MGAT4B: variants seen among roughly 807,000 people sequenced by gnomAD.
The protein encoded by MGAT4B is alpha-1,3-mannosyl-glycoprotein 4-beta-N-acetylglucosaminyltransferase B.
A neutral mutation model predicts 73.9 loss-of-function variants in MGAT4B; 38 were observed. That is an observed-to-expected ratio of 0.51 (90% CI 0.40 to 0.67). The LOEUF is 0.67. MGAT4B is among the 30% of genes least tolerant of loss of function. The pLI, the probability that MGAT4B is intolerant of heterozygous loss-of-function variation, is 0.00. For missense variants in MGAT4B, 686 were observed against 735.2 expected (o/e 0.93, Z 0.77); for synonymous variants, 373 against 313.5 (o/e 1.19, Z -2.01).
intron 6 of MGAT4B, 76 bp from the exon 7 acceptor site, chr5:179,800,335 G>A (rs1756858849): frequency 1.0e-5 from 16 of 1,551,912 alleles, no homozygotes; most frequent in East Asian, 2.2e-5. Flanking sequence ...GCCGCTGGGT[G>A]GGCAGCTTCT....
Position 179,798,290 on chromosome 5 carries a change from A to C in MGAT4B, c.1511-13T>G. On this transcript the variant is annotated splice_polypyrimidine_tract_variant and intron_variant, in intron 13 of 14. Transcript: ENST00000292591. The stretch of plus-strand genomic sequence containing the variant: ...TTGTAGAAGGAGCCTGTGGGAGGGC[A>C]GTGGTGAGAGGGTGTCCCTGAACCC... 1 of 1,612,692 alleles carries C rather than the reference A, an allele frequency of 6.2e-7. No homozygotes were observed.
Position 179,799,543 on chromosome 5 carries a change from A to G in MGAT4B, c.1004T>C (p.Ile335Thr). The stretch of plus-strand genomic sequence containing the variant: ...GGGGTTGCAGACTTTCACCCACAGA[A>G]TATGGTCCAGGAGCCAGTCGATGGG... Reference protein sequence around the residue: ...DKPIDWLLDHILWVKVCNPEK... With the variant: ...DKPIDWLLDHTLWVKVCNPEK... The change falls in exon 9 of 15, where the codon ATT (isoleucine) becomes ACT (threonine). Residue 335 changes from isoleucine to threonine, a missense_variant. Physicochemically the swap from Ile to Thr is moderately conservative, Grantham distance 89 (BLOSUM62 -1). Around this residue, in one of 2 missense-constraint regions of MGAT4B, gnomAD observed 449 missense variants for 536.8 expected, o/e 0.84. Coordinates refer to ENST00000292591, the MANE Select transcript of MGAT4B (RefSeq NM_014275.5). The G allele has an allele frequency of 6.2e-7, 1 of 1,613,870 alleles. No homozygotes were observed. The highest frequency in any genetic ancestry group is 8.5e-7 in the Non-Finnish European group (1 of 1,180,008).
Position 179,801,716 on chromosome 5 carries a change from G to A in MGAT4B, c.284-22C>T, listed in dbSNP as rs760950171. 15 of 1,601,746 alleles carry A rather than the reference G, an allele frequency of 9.4e-6. No homozygotes were observed. The highest frequency in any genetic ancestry group is 2.7e-5 in the African/African-American group (2 of 74,838). ...TCCTCTGGGTGGGTCGGGAAGGATC[G>A]GGACTGAGACCAGGGAACCTACAAC... On this transcript the variant is annotated intron_variant, in intron 2 of 14. Coordinates refer to ENST00000292591, the MANE Select transcript of MGAT4B (RefSeq NM_014275.5). This position sits in a 1 kb window ranked among gnomAD's most constrained non-coding sequence, Gnocchi z 4.8.
intron 8 of MGAT4B, 68 bp downstream of exon 8, chr5:179,799,886 G>C: frequency 6.9e-7 from 1 of 1,446,792 alleles, no homozygotes; most frequent in East Asian, 2.3e-5. Context: ...GACACAGTGG[G>C]ACTGGGAGAG....
At chr5:179,800,743 C>A in intron 5 of MGAT4B, 146 bp from the exon 6 acceptor site, 1 of 1,000,146 alleles carries the variant, frequency 1.0e-6, no homozygotes, top group Non-Finnish European at 1.5e-6. Flanking sequence ...AGCAGAGCTC[C>A]AGAGGGGCTG....
Position 179,806,821 on chromosome 5 carries a change from G to A in MGAT4B, c.-238C>T, listed in dbSNP as rs994449737. ...GAAGAGGAACAGGCTCAGAAGGGCA[G>A]AGGCAGGTATCAGGCTCACTGCAGA... On this transcript the variant is annotated 5_prime_UTR_variant, in exon 1 of 15. Coordinates refer to ENST00000292591, the MANE Select transcript of MGAT4B (RefSeq NM_014275.5). This position sits in a 1 kb window ranked among gnomAD's most constrained non-coding sequence, Gnocchi z 4.6. 6.7e-6 allele frequency: 1 copy of A among 150,158 alleles called. No homozygotes were observed. Among genetic ancestry groups the A allele is most frequent in the Non-Finnish European group, 1.5e-5 (1 of 67,486 alleles). 9.3% of individuals were successfully genotyped at this position (150,158 alleles called of 1,614,324 possible). A position where few individuals can be genotyped will look rare whatever the true frequency, so the allele number is the denominator to read the frequency against.
At chr5:179,798,849 G>T in intron 11 of MGAT4B, 79 bp downstream of exon 11, 1 of 1,521,760 alleles carries the variant, frequency 6.6e-7, no homozygotes, top group Non-Finnish European at 9.0e-7. Flanking sequence ...AGAACGTGAG[G>T]ATAACTTGCC....
At chr5:179,802,116 G>T in intron 1 of MGAT4B, 147 bp from the exon 2 acceptor site, 1 of 1,542,628 alleles carries the variant, frequency 6.5e-7, no homozygotes. Flanking sequence ...TGACATAGCT[G>T]GGGTCACTCT....
Position 179,800,242 on chromosome 5 carries a change from TTC to T in MGAT4B, c.735_736del (p.Asn246ProfsTer23), listed in dbSNP as rs777187269. ...CATCATGAGGAAGCAGTAATCGAGG[TTC>T]TGTTTGGTCCTCCACCTGTGGGCCG... On this transcript the variant is annotated frameshift_variant, in exon 7 of 15. Coordinates refer to ENST00000292591, the MANE Select transcript of MGAT4B (RefSeq NM_014275.5). LOFTEE classifies it high-confidence loss of function. The T allele has an allele frequency of 6.2e-7, 1 of 1,613,308 alleles. No homozygotes were observed. Among genetic ancestry groups the T allele is most frequent in the South Asian group, 1.1e-5 (1 of 91,084 alleles).
chr5:179,802,820 G>A, intron 1 of MGAT4B: 1 of 985,542 alleles, frequency 1.0e-6, no homozygotes, highest in African/African-American at 1.7e-5. Context: ...GTGGCTCGGT[G>A]CCCACAGTCC....
At position 179,801,908 on chromosome 5, in the gene MGAT4B, A is replaced by G; in HGVS notation, c.159T>C (p.Ala53=). 1 of 1,613,256 alleles carries G rather than the reference A, an allele frequency of 6.2e-7. No individual in the cohort carries two copies. The highest frequency in any genetic ancestry group is 8.5e-7 in the Non-Finnish European group (1 of 1,179,900). Residue 53 remains alanine, a synonymous_variant, in exon 2 of 15, where the codon GCT becomes GCC. Transcript: ENST00000292591. This position sits in a 1 kb window ranked among gnomAD's most constrained non-coding sequence, Gnocchi z 4.8. ...FLALRDRLHA[A]EQESLKRSKE... ...TGGAGCGCTTGAGGCTCTCCTGCTC[A>G]GCTGCGTGCAACCGATCGCGCAGCG...
intron 1 of MGAT4B, 58 bp from the exon 2 acceptor site, chr5:179,802,027 C>G: frequency 2.5e-6 from 4 of 1,612,366 alleles, no homozygotes; most frequent in Non-Finnish European, 3.4e-6. Flanking sequence ...CTACGGGCCC[C>G]TCCAGTGTGC....
At chr5:179,805,120 C>T (rs559503654) in intron 1 of MGAT4B, 2 of 152,386 alleles carry the variant, frequency 1.3e-5, no homozygotes, top group East Asian at 3.9e-4. Context: ...GAGCCTGGCT[C>T]CCTGTGGTAA....
At chr5:179,799,793 T>G (rs1398082885) in intron 8 of MGAT4B, 157 bp from the exon 9 acceptor site, 1 of 1,269,890 alleles carries the variant, frequency 7.9e-7, no homozygotes, top group Non-Finnish European at 1.1e-6. Context: ...CAGACATGTC[T>G]GATGCACAGG....
intron 1 of MGAT4B, chr5:179,802,397 C>G: frequency 8.2e-7 from 1 of 1,216,820 alleles, no homozygotes; most frequent in East Asian, 3.9e-5. Flanking sequence ...GGTGCTAGCT[C>G]TTCACTGTCC....
chr5:179,800,885 C>G (rs1332178268), intron 5 of MGAT4B, 22 bp downstream of exon 5: 1 of 1,612,784 alleles, frequency 6.2e-7, no homozygotes, highest in South Asian at 1.1e-5. Flanking sequence ...GCCACCAGCT[C>G]TCTGGGGTCG....
Position 179,800,014 on chromosome 5 carries a change from C to T in MGAT4B, c.850G>A (p.Ala284Thr). Residue 284 changes from alanine to threonine, a missense_variant, in exon 8 of 15, where the codon GCA (alanine) becomes ACA (threonine). By Grantham distance (58) the Ala-to-Thr change is moderately conservative. Transcript: ENST00000292591. ...CAGTCCTCTGAAGGCTGCTGCAGTG[C>T]AAAGTTCTTCATGGTGCTCAGGTAG... ...PNYLSTMKNF[A>T]LQQPSEDWMI... 1 of 1,614,012 alleles carries T rather than the reference C, an allele frequency of 6.2e-7. No individual in the cohort carries two copies. The highest frequency in any genetic ancestry group is 2.2e-5 in the East Asian group (1 of 44,882).
At chr5:179,799,832 G>A in intron 8 of MGAT4B, 122 bp downstream of exon 8, 1 of 1,226,380 alleles carries the variant, frequency 8.2e-7, no homozygotes, top group South Asian at 1.3e-5. Flanking sequence ...TGGGGCTGTA[G>A]CACGCACACC....
intron 8 of MGAT4B, 91 bp from the exon 9 acceptor site, chr5:179,799,727 C>A: frequency 6.3e-7 from 1 of 1,578,214 alleles, no homozygotes; most frequent in Non-Finnish European, 8.7e-7. Flanking sequence ...AACCCAGGGG[C>A]AGGCTTCAGG....
Sources: allele counts gnomAD v4.1 joint callset, GRCh38; gene constraint gnomAD v4.1.1; regional missense constraint gnomAD v4.1.1; non-coding constraint Gnocchi (gnomAD v3.1); transcripts MANE v1.5; gene names NCBI Gene and HGNC (gene_info 2026-07-23, HGNC 2026-07-21).